Variants in PTK2 observed in about 807,000 individuals in gnomAD.
PTK2 encodes the protein focal adhesion kinase 1.
PTK2 carries 45 observed loss-of-function variants against 150.1 expected under a neutral mutation model. The ratio of observed to expected loss-of-function variants is 0.30; its 90% CI spans 0.24 to 0.38. The LOEUF (loss-of-function observed/expected upper bound fraction) is 0.38. Among genes scored for constraint, PTK2 ranks in the 10% least tolerant of loss-of-function variants. The pLI, the probability that PTK2 is intolerant of heterozygous loss-of-function variation, is 1.00. For synonymous variants in PTK2, 432 were observed against 449.2 expected (o/e 0.96, Z 0.48); for missense variants, 919 against 1,307.3 (o/e 0.70, Z 4.58).
At chr8:140,716,697 G>A (rs2100039896) in intron 23 of PTK2, among the ~76,000 whole-genome samples, 1 of 152,122 alleles carries the variant, frequency 6.6e-6, no homozygotes, top group South Asian at 2.1e-4. Context: ...TCAGGTTTCT[G>A]AACACTTTTC....
chr8:140,862,651 C>T (rs944968158), intron 5 of PTK2, among the ~76,000 whole-genome samples: 1 of 152,150 alleles, frequency 6.6e-6, no homozygotes, highest in Non-Finnish European at 1.5e-5. Context: ...GAGCTGTGGG[C>T]AAGCGAGCAT....
rs398010102 is a variant in PTK2, at chr8:140,714,796, C to CAAAA, written c.2142+2798_2142+2801dup. The stretch of plus-strand genomic sequence containing the variant: ...CGGGCAATAGAGCAAGGCTCTGTCT[C>CAAAA]AAAAAAAAAAAAAAAAAAAAAAAAA... On this transcript the variant is annotated intron_variant, in intron 23 of 31. Transcript: ENST00000522684. Among the ~76,000 whole-genome samples, 99 of 46,876 alleles carry CAAAA rather than the reference C, an allele frequency of 2.1e-3. 15 individuals carry two copies. The highest frequency in any genetic ancestry group is 3.0e-3 in the South Asian group (2 of 656). The allele number at this position is 46,876 out of a possible 152,430, so 30.8% of individuals were successfully genotyped here.
chr8:140,794,222 T>C (rs2100090266), intron 12 of PTK2, among the ~76,000 whole-genome samples: 1 of 152,264 alleles, frequency 6.6e-6, no homozygotes, highest in Non-Finnish European at 1.5e-5. Context: ...AACATTTTAG[T>C]GTCTCTCAAA....
chr8:140,901,830 C>A (rs2100158593), intron 2 of PTK2, among the ~76,000 whole-genome samples: 1 of 151,976 alleles, frequency 6.6e-6, no homozygotes, highest in Non-Finnish European at 1.5e-5. Flanking sequence ...GCGACAGGCC[C>A]CGGTGTGTGA....
chr8:140,756,513 C>T (rs997346246), intron 16 of PTK2, among the ~76,000 whole-genome samples: 3 of 150,950 alleles, frequency 2.0e-5, no homozygotes, highest in Admixed American at 6.6e-5. Context: ...GCCTGAACAA[C>T]GTGAAGAAAC....
rs79801734 is a variant in PTK2 at position 140,739,223 on chromosome 8, G to C, written c.1736-116C>G. On this transcript the variant is annotated intron_variant, in intron 20 of 31. Coordinates refer to ENST00000522684, the Ensembl canonical transcript of PTK2. ...AGCTTTAACTATTTGAACCCTTGAG[G>C]CTTCCATTTATTTGGGAGAACTACT... 7.6e-3 allele frequency: 4,397 copies of C among 575,558 alleles called. 136 individuals are homozygous for C. Among genetic ancestry groups the C allele is most frequent in the African/African-American group, 0.073 (3,799 of 52,086 alleles). 35.7% of individuals were successfully genotyped at this position (575,558 alleles called of 1,614,324 possible). A position where few individuals can be genotyped will look rare whatever the true frequency, so the allele number is the denominator to read the frequency against.
intron 5 of PTK2, among the ~76,000 whole-genome samples, chr8:140,858,618 A>G (rs958275938): frequency 6.6e-5 from 10 of 152,292 alleles, no homozygotes; most frequent in Admixed American, 6.5e-4. Flanking sequence ...GGAAATAACC[A>G]TCAAAATACT....
chr8:140,786,653 G>T (rs1229600809), intron 14 of PTK2, among the ~76,000 whole-genome samples: 1 of 151,996 alleles, frequency 6.6e-6, no homozygotes, highest in Non-Finnish European at 1.5e-5. Context: ...GAAAAGAAAA[G>T]AAATATACCA....
chr8:140,807,912 C>T (rs2100099045), intron 10 of PTK2, among the ~76,000 whole-genome samples: 2 of 152,080 alleles, frequency 1.3e-5, no homozygotes, highest in South Asian at 4.2e-4. Context: ...GGCTTATCTA[C>T]AGGAGGATCA....
At chr8:140,876,448 T>C (rs1600015042) in intron 4 of PTK2, among the ~76,000 whole-genome samples, 1 of 152,226 alleles carries the variant, frequency 6.6e-6, no homozygotes, top group Non-Finnish European at 1.5e-5. Context: ...TCTCTGGGTG[T>C]CATCCTGTCT....
intron 1 of PTK2, among the ~76,000 whole-genome samples, chr8:140,945,970 T>C (rs1476968958): frequency 6.6e-6 from 1 of 152,182 alleles, no homozygotes; most frequent in Non-Finnish European, 1.5e-5. Context: ...TCACCTGTCT[T>C]ACCTGTTCTC....
At chr8:140,871,637 A>T (rs1426140712) in intron 4 of PTK2, among the ~76,000 whole-genome samples, 1 of 152,202 alleles carries the variant, frequency 6.6e-6, no homozygotes, top group Non-Finnish European at 1.5e-5. Context: ...TGTCTCTACT[A>T]AAATAAAATA....
intron 14 of PTK2, among the ~76,000 whole-genome samples, chr8:140,784,973 A>C (rs2100084080): frequency 6.6e-6 from 1 of 152,186 alleles, no homozygotes; most frequent in African/African-American, 2.4e-5. Flanking sequence ...TTCTCTCCGG[A>C]ATGTAAGGAT....
At chr8:140,931,058 G>A (rs943591363) in intron 1 of PTK2, among the ~76,000 whole-genome samples, 22 of 137,810 alleles carry the variant, frequency 1.6e-4, no homozygotes, top group Admixed American at 5.4e-4. Flanking sequence ...GCGGCAGAGC[G>A]AGACTCTGTC....
intron 2 of PTK2, 31 bp from the exon 3 acceptor site, chr8:140,890,800 A>C: frequency 6.4e-7 from 1 of 1,562,190 alleles, no homozygotes; most frequent in Non-Finnish European, 8.8e-7. Context: ...TTTTTTGTGT[A>C]TAATACTTGA....
At chr8:140,942,627 CGTGT>C (rs975180917) in intron 1 of PTK2, among the ~76,000 whole-genome samples, 19 of 55,358 alleles carry the variant, frequency 3.4e-4, no homozygotes, top group East Asian at 2.5e-3. Context: ...TGAGTGCGTG[CGTGT>C]GTGTGTGTGT....
At chr8:140,707,163 A>G (rs569755587) in intron 23 of PTK2, among the ~76,000 whole-genome samples, 10 of 152,224 alleles carry the variant, frequency 6.6e-5, no homozygotes, top group African/African-American at 1.2e-4. Context: ...TAGCAAGTAC[A>G]TAAGTGGTTG....
intron 27 of PTK2, among the ~76,000 whole-genome samples, chr8:140,681,921 A>G (rs9324534): frequency 0.5 from 75,515 of 152,122 alleles, 18,904 homozygotes; most frequent in African/African-American, 0.52. Flanking sequence ...CGATGACCTT[A>G]AGCAGTAGGA....
intron 8 of PTK2, among the ~76,000 whole-genome samples, chr8:140,823,200 T>C (rs183463117): frequency 3.3e-4 from 50 of 152,320 alleles, no homozygotes; most frequent in African/African-American, 1.1e-3. Context: ...TAACCAAATG[T>C]TGGTATATTC....
Sources: allele counts gnomAD v4.1 joint callset (sites outside exome capture counted in the v4.1 genomes callset), GRCh38; gene constraint gnomAD v4.1.1; transcripts MANE v1.5; gene names NCBI Gene and HGNC (gene_info 2026-07-23, HGNC 2026-07-21).